CTDSP2: variants seen among roughly 807,000 people sequenced by gnomAD.
CTDSP2 encodes the protein carboxy-terminal domain RNA polymerase II polypeptide A small phosphatase 2.
Under a neutral mutation model 31.6 loss-of-function variants are expected in CTDSP2, and 9 were observed. That is an observed-to-expected ratio of 0.28 (90% CI 0.17 to 0.50). CTDSP2 has a LOEUF of 0.50. Among genes scored for constraint, CTDSP2 ranks in the 20% least tolerant of loss-of-function variants. The pLI, the probability that CTDSP2 is intolerant of heterozygous loss-of-function variation, is 0.98. For synonymous variants in CTDSP2, 134 were observed against 134.5 expected (o/e 1.00, Z 0.03); for missense variants, 267 against 348.5 (o/e 0.77, Z 1.86).
In CTDSP2 at chr12:57,823,614, C is replaced by T; in HGVS notation, c.804G>A (p.Leu268=). The change falls in exon 8 of 8, where the codon CTG becomes CTA. Residue 268 remains leucine, a synonymous_variant. Coordinates refer to ENST00000398073, the MANE Select transcript of CTDSP2 (RefSeq NM_005730.4). ...AEDVYTSLGQ[L]RAP Reference sequence around the variant, plus strand: ...GAAGCAGGGCAGGCTAAGGGGCCCGCAGCTGCCCAAGGCTGGTGTAGACGT... The same window carrying T: ...GAAGCAGGGCAGGCTAAGGGGCCCGTAGCTGCCCAAGGCTGGTGTAGACGT... 6.2e-7 allele frequency: 1 copy of T among 1,613,950 alleles called. No individual in the cohort carries two copies. The highest frequency in any genetic ancestry group is 8.5e-7 in the Non-Finnish European group (1 of 1,179,966).
chr12:57,843,524 T>G (rs1956295148), intron 1 of CTDSP2, among the ~76,000 whole-genome samples: 1 of 150,432 alleles, frequency 6.6e-6, no homozygotes. Context: ...GAGAACAGAA[T>G]GCTAAAAAAA....
At chr12:57,827,864 C>T (rs902479224) in intron 2 of CTDSP2, among the ~76,000 whole-genome samples, 1 of 152,180 alleles carries the variant, frequency 6.6e-6, no homozygotes. Context: ...AAGTGAGGAA[C>T]AGGGAACTCA....
chr12:57,823,859 T>C, intron 7 of CTDSP2, 45 bp downstream of exon 7: 2 of 1,610,568 alleles, frequency 1.2e-6, no homozygotes, highest in Non-Finnish European at 1.7e-6. Context: ...TCCAGTCTGC[T>C]TCCTCTCCCA....
At chr12:57,838,811 G>T (rs1239339118) in intron 1 of CTDSP2, among the ~76,000 whole-genome samples, 2 of 152,226 alleles carry the variant, frequency 1.3e-5, no homozygotes, top group Non-Finnish European at 2.9e-5. Flanking sequence ...ATTTCTCAGT[G>T]TCAGAATTGC....
chr12:57,826,971 G>A (rs1007784776), intron 4 of CTDSP2, 25 bp downstream of exon 4: 8 of 1,546,374 alleles, frequency 5.2e-6, no homozygotes, highest in Non-Finnish European at 7.1e-6. Context: ...GATAAAGGTA[G>A]GAAGGGTTCC....
intron 2 of CTDSP2, among the ~76,000 whole-genome samples, chr12:57,828,213 A>G (rs902793188): frequency 3.3e-5 from 5 of 152,164 alleles, no homozygotes; most frequent in African/African-American, 1.2e-4. Flanking sequence ...TGAGGTCAGG[A>G]GTTCGAGACC....
At chr12:57,827,699 G>A in intron 2 of CTDSP2, 109 bp from the exon 3 acceptor site, 2 of 1,065,666 alleles carry the variant, frequency 1.9e-6, no homozygotes, top group Non-Finnish European at 2.8e-6. Context: ...CCCAGACCCA[G>A]CCACCTGGAA....
intron 2 of CTDSP2, among the ~76,000 whole-genome samples, chr12:57,828,104 C>T (rs1236860002): frequency 1.3e-5 from 2 of 152,128 alleles, no homozygotes; most frequent in Non-Finnish European, 2.9e-5. Context: ...AGCAAGCCCC[C>T]CACCCCAATT....
intron 1 of CTDSP2, among the ~76,000 whole-genome samples, chr12:57,830,902 C>A (rs1407811637): frequency 6.6e-6 from 1 of 151,690 alleles, no homozygotes; most frequent in African/African-American, 2.4e-5. Context: ...CCATGCGCCA[C>A]CACGCCCAGC....
chr12:57,830,145 G>A lies in CTDSP2; in HGVS notation c.65-549C>T, dbSNP rs1424069320. 6.6e-5 allele frequency among the ~76,000 whole-genome samples: 10 copies of A among 152,148 alleles called. 1 individual carries two copies. The highest frequency in any genetic ancestry group is 2.4e-4 in the African/African-American group (10 of 41,414). On this transcript the variant is annotated intron_variant, in intron 1 of 7. Coordinates refer to ENST00000398073, the MANE Select transcript of CTDSP2 (RefSeq NM_005730.4). ...TCACGCCTGTAATTCCAGCACTTTG[G>A]GAGGCCAAAGCGGGTGGAGCACGAG...
chr12:57,826,794 G>A (rs1392711460), intron 4 of CTDSP2, among the ~76,000 whole-genome samples: 2 of 152,182 alleles, frequency 1.3e-5, no homozygotes, highest in Non-Finnish European at 2.9e-5. Flanking sequence ...CAGCCCTGGT[G>A]GAACACACAG....
At chr12:57,838,211 C>T (rs1205176106) in intron 1 of CTDSP2, among the ~76,000 whole-genome samples, 2 of 152,162 alleles carry the variant, frequency 1.3e-5, no homozygotes, top group African/African-American at 2.4e-5. Context: ...CTCAGCCCTG[C>T]AAGCCCCACT....
rs762714721 is a variant in CTDSP2 at position 57,824,038 on chromosome 12, G to A, written c.556C>T (p.Arg186Cys). The A allele has an allele frequency of 6.2e-7, 1 of 1,614,078 alleles. No individual in the cohort carries two copies. Residue 186 changes from arginine to cysteine, a missense_variant, in exon 7 of 8, where the codon CGC becomes TGC. By Grantham distance (180) the Arg-to-Cys change is radical. Coordinates refer to ENST00000398073, the MANE Select transcript of CTDSP2 (RefSeq NM_005730.4). ...AACACGCAAGACTCACGGAATAGGC[G>A]GGCCCGGAACACCCCACACCGGTCC... ...LLDRCGVFRA[R>C]LFRESCVFHQ...
At chr12:57,842,974 A>G (rs1956291914) in intron 1 of CTDSP2, among the ~76,000 whole-genome samples, 1 of 152,190 alleles carries the variant, frequency 6.6e-6, no homozygotes, top group Admixed American at 6.5e-5. Flanking sequence ...CCACATCGTA[A>G]TTTTCAGAGA....
At chr12:57,823,878 C>T (rs371747999) in intron 7 of CTDSP2, 26 bp downstream of exon 7, 18 of 1,612,736 alleles carry the variant, frequency 1.1e-5, no homozygotes, top group South Asian at 6.6e-5. Context: ...CAATCCCTAC[C>T]GTGGAGACGC....
chr12:57,831,103 T>TAAA (rs11309444), intron 1 of CTDSP2, among the ~76,000 whole-genome samples: 111 of 121,616 alleles, frequency 9.1e-4, no homozygotes, highest in East Asian at 7.8e-3. Flanking sequence ...GCCAAGCAGA[T>TAAA]AAAAAAAAAA....
At chr12:57,836,458 A>G (rs1956248069) in intron 1 of CTDSP2, among the ~76,000 whole-genome samples, 2 of 152,108 alleles carry the variant, frequency 1.3e-5, no homozygotes, top group Non-Finnish European at 2.9e-5. Context: ...TCAGGAGTTC[A>G]AGACCAGCCT....
chr12:57,832,340 C>T (rs1021937889), intron 1 of CTDSP2, among the ~76,000 whole-genome samples: 3 of 152,174 alleles, frequency 2.0e-5, no homozygotes, highest in Non-Finnish European at 4.4e-5. Context: ...CTGGGGACAT[C>T]CCCCAGAGCC....
intron 1 of CTDSP2, chr12:57,845,374 TAA>T (rs1469225989): frequency 6.6e-6 from 1 of 152,050 alleles, no homozygotes; most frequent in Non-Finnish European, 1.5e-5. Context: ...GTGACCAAAC[TAA>T]GAGGTTCCAC....
Sources: gnomAD v4.1 joint callset for allele counts (sites outside exome capture counted in the v4.1 genomes callset) on GRCh38, gnomAD v4.1.1 for gene constraint, MANE v1.5 for transcripts, NCBI Gene and HGNC (gene_info 2026-07-23, HGNC 2026-07-21) for gene names.